The following DSCAM variants were observed in gnomAD, a reference collection of about 807,000 sequenced individuals.
DSCAM encodes cell adhesion molecule DSCAM.
Under a neutral mutation model 217.7 loss-of-function variants are expected in DSCAM, and 47 were observed. The observed-to-expected ratio is 0.22, with a 90% CI of 0.17 to 0.28. DSCAM has a LOEUF of 0.28. DSCAM is among the 10% of genes least tolerant of loss of function. The probability of loss-of-function intolerance (pLI) is 1.00; values close to 1 mark genes in which losing one functional copy is unlikely to be tolerated. For missense variants in DSCAM, 2,080 were observed against 2,618.3 expected, an observed-to-expected ratio of 0.79 and a Z score of 4.49; for synonymous variants, 1,056 against 1,015.3, an observed-to-expected ratio of 1.04 and a Z score of -0.76.
intron 3 of DSCAM, among the ~76,000 whole-genome samples, chr21:40,578,422 GCACCAA>G (rs2076872787): frequency 6.6e-6 from 1 of 151,566 alleles, no homozygotes. Flanking sequence ...CTGTAAAAAC[GCACCAA>G]TCAGCACTCT....
At chr21:40,461,843 G>A (rs1237091332) in intron 3 of DSCAM, among the ~76,000 whole-genome samples, 1 of 152,218 alleles carries the variant, frequency 6.6e-6, no homozygotes, top group Non-Finnish European at 1.5e-5. Context: ...TGAGTCAAGA[G>A]CTGCAAGTTG....
chr21:40,643,932 G>C (rs1050664165), intron 3 of DSCAM, among the ~76,000 whole-genome samples: 1 of 152,140 alleles, frequency 6.6e-6, no homozygotes, highest in Non-Finnish European at 1.5e-5. Flanking sequence ...ATTTTGTTAC[G>C]GCAGCCTGAA....
chr21:40,065,738 A>G (rs950700142), intron 27 of DSCAM, among the ~76,000 whole-genome samples: 2 of 151,986 alleles, frequency 1.3e-5, no homozygotes, highest in Non-Finnish European at 2.9e-5. Flanking sequence ...TCTCAGTCCT[A>G]ATCTCACTTA....
At chr21:40,156,287 CAGAGAGAGAGAGAG>C (rs749781848) in intron 16 of DSCAM, among the ~76,000 whole-genome samples, 976 of 75,744 alleles carry the variant, frequency 0.013, 17 homozygotes, top group African/African-American at 0.029. Context: ...CAAACTAAGA[CAGAGAGAGAGAGAG>C]AGAGAGAGAG....
intron 3 of DSCAM, among the ~76,000 whole-genome samples, chr21:40,437,108 C>G (rs2075590021): frequency 6.6e-6 from 1 of 152,114 alleles, no homozygotes; most frequent in African/African-American, 2.4e-5. Context: ...AATTCACTTT[C>G]AGGATTCCTG....
chr21:40,489,026 C>G (rs915196895), intron 3 of DSCAM, among the ~76,000 whole-genome samples: 1 of 152,162 alleles, frequency 6.6e-6, no homozygotes, highest in African/African-American at 2.4e-5. Context: ...TTCTAAAAAA[C>G]CACAACACAA....
chr21:40,815,678 T>C (rs2091875044), intron 1 of DSCAM, among the ~76,000 whole-genome samples: 1 of 152,188 alleles, frequency 6.6e-6, no homozygotes, highest in South Asian at 2.1e-4. Flanking sequence ...TGCTTTGTTG[T>C]TTACGATAAT....
intron 3 of DSCAM, among the ~76,000 whole-genome samples, chr21:40,645,386 T>G (rs1272999337): frequency 1.3e-5 from 2 of 152,114 alleles, no homozygotes; most frequent in Admixed American, 1.3e-4. Context: ...AATGTTTTAT[T>G]AGAGATGATG....
chr21:40,826,993 G>C (rs749050201), intron 1 of DSCAM, among the ~76,000 whole-genome samples: 1 of 151,864 alleles, frequency 6.6e-6, no homozygotes, highest in Non-Finnish European at 1.5e-5. Flanking sequence ...AGGAAGGGAA[G>C]GGAAAGGAAG....
At chr21:40,740,527 T>C (rs1463322715) in intron 1 of DSCAM, among the ~76,000 whole-genome samples, 1 of 152,236 alleles carries the variant, frequency 6.6e-6, no homozygotes, top group Non-Finnish European at 1.5e-5. Flanking sequence ...CTTATTTACA[T>C]TTGAGTGCAA....
intron 3 of DSCAM, among the ~76,000 whole-genome samples, chr21:40,576,016 A>G (rs982232142): frequency 6.6e-6 from 1 of 152,238 alleles, no homozygotes; most frequent in African/African-American, 2.4e-5. Flanking sequence ...TGGAGCAACA[A>G]GAACTATCAT....
chr21:40,471,206 A>C (rs976385414), intron 3 of DSCAM, among the ~76,000 whole-genome samples: 3 of 152,206 alleles, frequency 2.0e-5, no homozygotes, highest in Non-Finnish European at 4.4e-5. Flanking sequence ...TTTACTTCTA[A>C]AGTTCTGACC....
At chr21:40,793,341 A>C (rs1387120586) in intron 1 of DSCAM, among the ~76,000 whole-genome samples, 1 of 152,168 alleles carries the variant, frequency 6.6e-6, no homozygotes, top group African/African-American at 2.4e-5. Context: ...GAATGCGGAG[A>C]GAGGGTTTGC....
chr21:40,746,360 C>T (rs1315372210), intron 1 of DSCAM, among the ~76,000 whole-genome samples: 2 of 114,964 alleles, frequency 1.7e-5, no homozygotes, highest in African/African-American at 6.9e-5. Flanking sequence ...AAAAGATATT[C>T]CAAACAAATT....
chr21:40,776,159 AT>A (rs1197521804), intron 1 of DSCAM, among the ~76,000 whole-genome samples: 1 of 152,030 alleles, frequency 6.6e-6, no homozygotes, highest in Non-Finnish European at 1.5e-5. Flanking sequence ...TGATGTTTTT[AT>A]GTTTTTCCAA....
intron 11 of DSCAM, among the ~76,000 whole-genome samples, chr21:40,247,302 T>C (rs2146953552): frequency 6.6e-6 from 1 of 152,274 alleles, no homozygotes; most frequent in East Asian, 1.9e-4. Context: ...CCCCAAAGTC[T>C]TAACTCATTT....
intron 9 of DSCAM, among the ~76,000 whole-genome samples, chr21:40,307,129 T>C (rs1251841060): frequency 7.2e-5 from 11 of 151,870 alleles, no homozygotes; most frequent in South Asian, 4.1e-4. Context: ...AAGAAACTAC[T>C]ATCAGAGTGA....
rs200529683 is a variant in DSCAM at position 40,676,160 on chromosome 21, GT to G, written c.508+16649del. Among the ~76,000 whole-genome samples, 583 of 151,976 alleles carry G rather than the reference GT, an allele frequency of 3.8e-3. 7 individuals are homozygous for G. Among genetic ancestry groups the G allele is most frequent in the African/African-American group, 0.013 (541 of 41,410 alleles). ...TATCCTTACTAGCAAGAAAAGCTTT[GT>G]TTTTAAAAATCTCAATACAAAACTA... On this transcript the variant is annotated intron_variant, in intron 3 of 32. Transcript: ENST00000400454.
At chr21:40,433,915 C>T (rs544968474) in intron 3 of DSCAM, among the ~76,000 whole-genome samples, 7 of 152,098 alleles carry the variant, frequency 4.6e-5, no homozygotes, top group Non-Finnish European at 7.4e-5. Flanking sequence ...CTGAAGTGGA[C>T]GATGTCATCT....
Sources: gnomAD v4.1 joint callset for allele counts (sites outside exome capture counted in the v4.1 genomes callset) on GRCh38, gnomAD v4.1.1 for gene constraint, MANE v1.5 for transcripts, NCBI Gene and HGNC (gene_info 2026-07-23, HGNC 2026-07-21) for gene names.